PCED1B: variants seen among roughly 807,000 people sequenced by gnomAD.
PCED1B encodes PC-esterase domain containing 1B.
For missense variants in PCED1B, 573 were observed against 573.9 expected (o/e 1.00, Z 0.02); for synonymous variants, 251 against 246.1 (o/e 1.02, Z -0.19).
At chr12:47,220,088 A>AGAAG (rs200317644) in intron 3 of PCED1B, among the ~76,000 whole-genome samples, 121 of 133,164 alleles carry the variant, frequency 9.1e-4, no homozygotes, top group Admixed American at 1.4e-3. Context: ...AAAAAAAAAA[A>AGAAG]AAGAAGAAGA....
intron 1 of PCED1B, among the ~76,000 whole-genome samples, chr12:47,092,987 T>G (rs1344203491): frequency 1.3e-5 from 2 of 152,030 alleles, no homozygotes; most frequent in East Asian, 3.9e-4. Flanking sequence ...AAAATCAAGT[T>G]TATGCTATTA....
At chr12:47,154,894 T>C (rs1197020270) in intron 2 of PCED1B, among the ~76,000 whole-genome samples, 2 of 152,106 alleles carry the variant, frequency 1.3e-5, no homozygotes, top group Non-Finnish European at 2.9e-5. Context: ...ATTACTTTCT[T>C]GCCTGGTTCC....
chr12:47,127,516 G>T (rs1247196982), intron 2 of PCED1B, among the ~76,000 whole-genome samples: 1 of 143,248 alleles, frequency 7.0e-6, no homozygotes, highest in African/African-American at 2.8e-5. Context: ...CTACAGGCAT[G>T]TGCCACCCGG....
chr12:47,151,316 A>G (rs1004738620), intron 2 of PCED1B, among the ~76,000 whole-genome samples: 1 of 152,138 alleles, frequency 6.6e-6, no homozygotes, highest in Non-Finnish European at 1.5e-5. Flanking sequence ...ATTGTATTAC[A>G]CTTGCCTACA....
chr12:47,105,885 G>A (rs182971995), intron 2 of PCED1B, among the ~76,000 whole-genome samples: 2 of 152,322 alleles, frequency 1.3e-5, no homozygotes, highest in Admixed American at 6.5e-5. Context: ...TGACAAACAC[G>A]ATCTTACAGT....
chr12:47,215,096 TTCTC>T (rs1943210654), intron 2 of PCED1B, among the ~76,000 whole-genome samples: 1 of 151,908 alleles, frequency 6.6e-6, no homozygotes, highest in South Asian at 2.1e-4. Flanking sequence ...GTCATGCATT[TTCTC>T]TCTCTCTTTT....
chr12:47,211,216 C>T (rs1043596958), intron 2 of PCED1B, among the ~76,000 whole-genome samples: 1 of 152,176 alleles, frequency 6.6e-6, no homozygotes, highest in Non-Finnish European at 1.5e-5. Flanking sequence ...TAGAGAAGAC[C>T]ATATCCTACT....
chr12:47,106,917 T>C (rs78335235), intron 2 of PCED1B, among the ~76,000 whole-genome samples: 2,021 of 152,260 alleles, frequency 0.013, 52 homozygotes, highest in African/African-American at 0.047. Context: ...GTGGCACCTT[T>C]TCCCCAAGTC....
chr12:47,175,258 C>G (rs76658422), intron 2 of PCED1B, among the ~76,000 whole-genome samples: 3,406 of 152,184 alleles, frequency 0.022, 99 homozygotes, highest in African/African-American at 0.064. Flanking sequence ...ATGCAAAGTG[C>G]AAAAGTGCTC....
chr12:47,185,971 G>A (rs1041983749), intron 2 of PCED1B, among the ~76,000 whole-genome samples: 6 of 152,058 alleles, frequency 3.9e-5, no homozygotes. Context: ...TGTAATCCCA[G>A]CACTTTGGGA....
At chr12:47,119,859 G>C (rs557835976) in intron 2 of PCED1B, among the ~76,000 whole-genome samples, 3 of 151,682 alleles carry the variant, frequency 2.0e-5, no homozygotes, top group Admixed American at 6.6e-5. Context: ...CAGCTACTTG[G>C]GGGAGGCTGA....
chr12:47,119,451 G>T (rs968200266), intron 2 of PCED1B, among the ~76,000 whole-genome samples: 4 of 151,918 alleles, frequency 2.6e-5, no homozygotes, highest in African/African-American at 9.7e-5. Flanking sequence ...CCAAAGTATT[G>T]GGATTATAGG....
chr12:47,149,722 G>GA (rs1257780016), intron 2 of PCED1B, among the ~76,000 whole-genome samples: 1 of 152,136 alleles, frequency 6.6e-6, no homozygotes, highest in Non-Finnish European at 1.5e-5. Flanking sequence ...GAATTTAGGA[G>GA]AAAACATGTT....
intron 2 of PCED1B, chr12:47,138,453 G>A (rs932739902): frequency 3.9e-5 from 6 of 152,186 alleles, no homozygotes; most frequent in Non-Finnish European, 5.9e-5. Context: ...CAAGTAATCT[G>A]ATTTTGGTCT....
chr12:47,188,818 C>T (rs17821774), intron 2 of PCED1B, among the ~76,000 whole-genome samples: 31,994 of 152,148 alleles, frequency 0.21, 4,328 homozygotes, highest in Non-Finnish European at 0.31. Flanking sequence ...ACTCATTCTC[C>T]GTAAAAAACA....
intron 2 of PCED1B, among the ~76,000 whole-genome samples, chr12:47,166,401 T>C (rs1320158742): frequency 6.6e-6 from 1 of 152,240 alleles, no homozygotes; most frequent in Non-Finnish European, 1.5e-5. Context: ...GTCTTTATAA[T>C]CTTTAACTAG....
Position 47,235,443 on chromosome 12 carries a change from A to G in PCED1B, c.380A>G (p.Asp127Gly), listed in dbSNP as rs762165694. Reference protein sequence around the residue: ...DLVIMNSCLWDISRYGPNSWR... With the variant: ...DLVIMNSCLWGISRYGPNSWR... ...GTCATCATGAATTCCTGCCTCTGGG[A>G]CATCTCCAGGTATGGTCCGAACTCC... The change falls in exon 4 of 4, where the codon GAC (aspartate) becomes GGC (glycine). Residue 127 changes from aspartate to glycine, a missense_variant. Transcript: ENST00000546455. 2 of 1,614,158 alleles carry G rather than the reference A, an allele frequency of 1.2e-6. No individual in the cohort carries two copies. The highest frequency in any genetic ancestry group is 1.7e-5 in the Admixed American group (1 of 60,028).
chr12:47,235,501 G>T lies in PCED1B; in HGVS notation c.438G>T (p.Leu146=). The T allele has an allele frequency of 1.2e-6, 2 of 1,613,180 alleles. No homozygotes were observed. Among genetic ancestry groups the T allele is most frequent in the African/African-American group, 2.7e-5 (2 of 75,034 alleles). ...GCTACCTGGAGAACCTGGAGAACCT[G>T]TTCCAGTGCCTGGGCCAGGTGCTGC... ...WRSYLENLEN[L]FQCLGQVLPE... is the part of the protein sequence containing the mutation. Residue 146 remains leucine (L), a synonymous_variant, in exon 4 of 4, where the codon CTG becomes CTT. Coordinates refer to ENST00000546455, the MANE Select transcript of PCED1B (RefSeq NM_138371.3).
chr12:47,235,749 G>C lies in PCED1B; in HGVS notation c.686G>C (p.Gly229Ala), dbSNP rs776910151. The change falls in exon 4 of 4, where the codon GGG (glycine) becomes GCG (alanine). Residue 229 changes from glycine (G) to alanine (A), a missense_variant. Gly to Ala is a moderately conservative substitution (Grantham distance 60). Coordinates refer to ENST00000546455, the MANE Select transcript of PCED1B (RefSeq NM_138371.3). ...GCGAGGGAGAACCTGCACTGGGACG[G>C]GGTGCACTGGAATGGACGTGTGCAC... ...RHARENLHWD[G>A]VHWNGRVHRC... 1.9e-6 allele frequency: 3 copies of C among 1,602,418 alleles called. No homozygotes were observed. Among genetic ancestry groups the C allele is most frequent in the Non-Finnish European group, 2.6e-6 (3 of 1,174,778 alleles).
Sources: allele counts gnomAD v4.1 joint callset (sites outside exome capture counted in the v4.1 genomes callset), GRCh38; gene constraint gnomAD v4.1.1; transcripts MANE v1.5; gene names NCBI Gene and HGNC (gene_info 2026-07-23, HGNC 2026-07-21).